Variants in AGBL4 observed in about 807,000 individuals in gnomAD.
AGBL4 encodes the protein AGBL carboxypeptidase 4.
In AGBL4, 58 loss-of-function variants were observed where a neutral mutation model predicts 66.4. The ratio of observed to expected loss-of-function variants is 0.87; its 90% CI spans 0.71 to 1.09. AGBL4 has a LOEUF of 1.09. AGBL4 is among the 50% of genes least tolerant of loss of function. AGBL4 has a pLI of 0.00. For missense variants in AGBL4, 579 were observed against 631.0 expected, an observed-to-expected ratio of 0.92 and a Z score of 0.88; for synonymous variants, 234 against 222.9, an observed-to-expected ratio of 1.05 and a Z score of -0.44.
At chr1:49,489,050 A>G (rs141803505) in intron 3 of AGBL4, among the ~76,000 whole-genome samples, 150 of 152,058 alleles carry the variant, frequency 9.9e-4, no homozygotes, top group African/African-American at 3.5e-3. Flanking sequence ...GTATATATCT[A>G]GTAGTGGAAT....
intron 4 of AGBL4, among the ~76,000 whole-genome samples, chr1:49,080,577 C>T (rs1644791710): frequency 6.6e-6 from 1 of 152,098 alleles, no homozygotes; most frequent in African/African-American, 2.4e-5. Flanking sequence ...GTGCTCCATA[C>T]AGGTCAGCCT....
intron 2 of AGBL4, among the ~76,000 whole-genome samples, chr1:49,718,828 T>A (rs1207146621): frequency 6.6e-6 from 1 of 152,088 alleles, no homozygotes; most frequent in Non-Finnish European, 1.5e-5. Context: ...AAAAAATTTG[T>A]AAGCTTTCTA....
chr1:49,538,378 C>T (rs569171774), intron 3 of AGBL4, among the ~76,000 whole-genome samples: 2 of 152,242 alleles, frequency 1.3e-5, no homozygotes, highest in South Asian at 2.1e-4. Flanking sequence ...ACATAACAGA[C>T]ATTGGAGACT....
chr1:48,979,880 A>G (rs1659609326), intron 5 of AGBL4, among the ~76,000 whole-genome samples: 1 of 152,166 alleles, frequency 6.6e-6, no homozygotes, highest in East Asian at 1.9e-4. Context: ...GTTGAAATTA[A>G]TTTTTAAAAT....
At chr1:49,661,425 G>A (rs946137191) in intron 3 of AGBL4, among the ~76,000 whole-genome samples, 2 of 152,088 alleles carry the variant, frequency 1.3e-5, no homozygotes, top group African/African-American at 4.8e-5. Flanking sequence ...GTGGTAATGA[G>A]TGAGATCTCA....
chr1:49,277,751 AG>A (rs1318342646), intron 3 of AGBL4, among the ~76,000 whole-genome samples: 3 of 144,380 alleles, frequency 2.1e-5, no homozygotes, highest in African/African-American at 7.6e-5. Context: ...AAAAAAAAAA[AG>A]ACGGGTGTTC....
chr1:50,002,648 C>T (rs1240456833), intron 1 of AGBL4, among the ~76,000 whole-genome samples: 2 of 152,006 alleles, frequency 1.3e-5, no homozygotes, highest in Middle Eastern at 3.2e-3. Context: ...GGATTACAGG[C>T]GTGAGCCACC....
At chr1:49,168,687 C>A (rs746088899) in intron 4 of AGBL4, among the ~76,000 whole-genome samples, 1 of 152,152 alleles carries the variant, frequency 6.6e-6, no homozygotes, top group Non-Finnish European at 1.5e-5. Context: ...CCACCTGCAC[C>A]AAGGACTTCC....
At chr1:49,924,019 G>A (rs9988530) in intron 1 of AGBL4, among the ~76,000 whole-genome samples, 8,098 of 152,208 alleles carry the variant, frequency 0.053, 240 homozygotes, top group African/African-American at 0.071. Flanking sequence ...ACATGCGTGT[G>A]TATGTTAATT....
chr1:48,805,324 T>G (rs1423591312), intron 6 of AGBL4, among the ~76,000 whole-genome samples: 1 of 152,212 alleles, frequency 6.6e-6, no homozygotes, highest in Non-Finnish European at 1.5e-5. Flanking sequence ...AAGGCAAATT[T>G]GGGTTATTGC....
At chr1:49,809,934 C>T (rs371822810) in intron 2 of AGBL4, among the ~76,000 whole-genome samples, 6 of 152,258 alleles carry the variant, frequency 3.9e-5, no homozygotes, top group Non-Finnish European at 5.9e-5. Flanking sequence ...AGTGGATTAG[C>T]TATCTCCAAT....
intron 3 of AGBL4, among the ~76,000 whole-genome samples, chr1:49,262,346 A>G (rs1653269960): frequency 6.6e-6 from 1 of 152,194 alleles, no homozygotes; most frequent in South Asian, 2.1e-4. Flanking sequence ...AGCAAAAGAA[A>G]CTACCTTCAC....
At chr1:48,680,759 G>A (rs1453650847) in intron 6 of AGBL4, among the ~76,000 whole-genome samples, 2 of 152,210 alleles carry the variant, frequency 1.3e-5, no homozygotes, top group Non-Finnish European at 2.9e-5. Flanking sequence ...TGAGTGACAA[G>A]GATCTCATTC....
chr1:48,594,063 C>T (rs1033068329), intron 9 of AGBL4, among the ~76,000 whole-genome samples: 8 of 151,966 alleles, frequency 5.3e-5, no homozygotes, highest in Admixed American at 1.3e-4. Flanking sequence ...TGGTGGCTCC[C>T]GCCTGTAATC....
chr1:49,165,981 C>A (rs1646627023), intron 4 of AGBL4, among the ~76,000 whole-genome samples: 1 of 151,988 alleles, frequency 6.6e-6, no homozygotes, highest in African/African-American at 2.4e-5. Context: ...GGAAGAGGGG[C>A]CCAGCTTTAG....
At chr1:49,395,762 T>TATAC (rs1392897407) in intron 3 of AGBL4, among the ~76,000 whole-genome samples, 15 of 138,212 alleles carry the variant, frequency 1.1e-4, no homozygotes, top group African/African-American at 4.1e-4. Flanking sequence ...TATATATATA[T>TATAC]ACACATATAT....
chr1:48,782,226 T>A (rs1260674860), intron 6 of AGBL4, among the ~76,000 whole-genome samples: 1 of 152,214 alleles, frequency 6.6e-6, no homozygotes, highest in East Asian at 1.9e-4. Context: ...GTGGGCCAAA[T>A]GTGCTTTGCC....
intron 3 of AGBL4, among the ~76,000 whole-genome samples, chr1:49,627,717 C>T (rs1274742537): frequency 1.3e-5 from 2 of 152,148 alleles, no homozygotes; most frequent in Non-Finnish European, 2.9e-5. Context: ...CTGAACTGAC[C>T]TATCCATAAA....
chr1:49,998,918 T>C (rs1181854783), intron 1 of AGBL4, among the ~76,000 whole-genome samples: 2 of 152,056 alleles, frequency 1.3e-5, no homozygotes, highest in African/African-American at 2.4e-5. Context: ...AAAATCGCCA[T>C]GGAAGGGACA....
Sources: gnomAD v4.1 joint callset for allele counts (sites outside exome capture counted in the v4.1 genomes callset) on GRCh38, gnomAD v4.1.1 for gene constraint, MANE v1.5 for transcripts, NCBI Gene and HGNC (gene_info 2026-07-23, HGNC 2026-07-21) for gene names.